CSMD1: variants seen among roughly 807,000 people sequenced by gnomAD.
CSMD1 encodes the protein CUB and Sushi multiple domains 1, also known as CUB and sushi domain-containing protein 1.
In CSMD1, 213 loss-of-function variants were observed where a neutral mutation model predicts 417.5. The observed-to-expected ratio is 0.51, with a 90% CI of 0.46 to 0.57. The LOEUF (loss-of-function observed/expected upper bound fraction) is 0.57, where lower values mean the gene tolerates loss of function less well. Among genes scored for constraint, CSMD1 ranks in the 20% least tolerant of loss-of-function variants. CSMD1 has a pLI of 0.00. For missense variants in CSMD1, 6,923 were observed against 4,529.7 expected, an observed-to-expected ratio of 1.53 and a Z score of -15.17; for synonymous variants, 2,862 against 1,736.8, an observed-to-expected ratio of 1.65 and a Z score of -16.11.
At chr8:4,749,909 G>C (rs1299647107) in intron 1 of CSMD1, among the ~76,000 whole-genome samples, 1 of 151,980 alleles carries the variant, frequency 6.6e-6, no homozygotes, top group Non-Finnish European at 1.5e-5. Flanking sequence ...TTTGTCTCTA[G>C]ATTGTCAAGC....
chr8:3,040,978 T>C (rs1811053139), intron 50 of CSMD1, among the ~76,000 whole-genome samples: 1 of 152,228 alleles, frequency 6.6e-6, no homozygotes, highest in Admixed American at 6.5e-5. Flanking sequence ...CAGTGTCATA[T>C]TTCTGTTTCC....
At chr8:3,240,255 T>C (rs558355175) in intron 26 of CSMD1, among the ~76,000 whole-genome samples, 9 of 151,984 alleles carry the variant, frequency 5.9e-5, no homozygotes, top group East Asian at 1.9e-4. Flanking sequence ...AGAGCTAGGA[T>C]GGGGGCAGTC....
intron 1 of CSMD1, among the ~76,000 whole-genome samples, chr8:4,746,760 A>T (rs1047968884): frequency 6.6e-6 from 1 of 152,190 alleles, no homozygotes; most frequent in Non-Finnish European, 1.5e-5. Flanking sequence ...CCTTCACTAC[A>T]GCAGCGAGGT....
chr8:4,211,761 C>T (rs1800326008), intron 3 of CSMD1, among the ~76,000 whole-genome samples: 1 of 152,184 alleles, frequency 6.6e-6, no homozygotes, highest in Non-Finnish European at 1.5e-5. Context: ...TGTCAACCTC[C>T]TTCACAAACT....
intron 3 of CSMD1, among the ~76,000 whole-genome samples, chr8:4,416,101 T>C (rs1187133802): frequency 3.9e-5 from 6 of 152,164 alleles, no homozygotes; most frequent in Admixed American, 2.6e-4. Context: ...TTATGAAAAA[T>C]TGTGTCCTAT....
intron 2 of CSMD1, among the ~76,000 whole-genome samples, chr8:4,620,421 G>C (rs1374625069): frequency 6.6e-6 from 1 of 151,460 alleles, no homozygotes; most frequent in East Asian, 1.9e-4. Context: ...AATTTGACCA[G>C]AGTCTAAAAT....
At chr8:3,972,019 G>A (rs1011464078) in intron 5 of CSMD1, among the ~76,000 whole-genome samples, 1 of 151,890 alleles carries the variant, frequency 6.6e-6, no homozygotes, top group Non-Finnish European at 1.5e-5. Context: ...TAATCCTCCT[G>A]CATCAACCTC....
chr8:4,256,902 G>C (rs528479031), intron 3 of CSMD1, among the ~76,000 whole-genome samples: 3 of 152,286 alleles, frequency 2.0e-5, no homozygotes, highest in Admixed American at 1.3e-4. Flanking sequence ...GGTTCAGAAT[G>C]AGTTTGCAGA....
At chr8:4,062,690 G>C (rs188355718) in intron 3 of CSMD1, among the ~76,000 whole-genome samples, 2 of 151,808 alleles carry the variant, frequency 1.3e-5, no homozygotes, top group African/African-American at 4.8e-5. Context: ...GACCCATGAT[G>C]GCAAAGCCAC....
chr8:4,529,144 T>A (rs1196455395), intron 2 of CSMD1, among the ~76,000 whole-genome samples: 1 of 152,146 alleles, frequency 6.6e-6, no homozygotes, highest in Non-Finnish European at 1.5e-5. Flanking sequence ...TCAAAGTATG[T>A]TCCAGGGACC....
At chr8:4,562,168 G>T (rs143298196) in intron 2 of CSMD1, among the ~76,000 whole-genome samples, 6 of 152,310 alleles carry the variant, frequency 3.9e-5, no homozygotes, top group African/African-American at 1.2e-4. Flanking sequence ...ATACAAGGAA[G>T]CATGAGCAGT....
intron 3 of CSMD1, among the ~76,000 whole-genome samples, chr8:4,368,078 G>C (rs1428303663): frequency 2.0e-5 from 3 of 152,094 alleles, no homozygotes; most frequent in Non-Finnish European, 4.4e-5. Flanking sequence ...GCGCATCCTT[G>C]TCTCATTCCT....
intron 1 of CSMD1, among the ~76,000 whole-genome samples, chr8:4,865,959 A>G (rs1274798001): frequency 6.6e-6 from 1 of 151,878 alleles, no homozygotes; most frequent in African/African-American, 2.4e-5. Context: ...TTTTAAAAAT[A>G]TATTTACACA....
chr8:4,029,961 G>A (rs1018618791), intron 4 of CSMD1, among the ~76,000 whole-genome samples: 7 of 152,178 alleles, frequency 4.6e-5, no homozygotes, highest in Non-Finnish European at 8.8e-5. Context: ...AAATCTTAAA[G>A]CTCCAAAATC....
rs374428515 is a variant in CSMD1, at chr8:4,970,805, C to T, written c.85+23527G>A. 2.6e-5 allele frequency among the ~76,000 whole-genome samples: 4 copies of T among 151,980 alleles called. No homozygotes were observed. The East Asian group carries it at 5.8e-4, about 22-fold the overall frequency. ...TTTTCCAACTACAGAATCTCAAAAC[C>T]AGGTAATACCCTAGCTCTAGTCATC... On this transcript the variant is annotated intron_variant, in intron 1 of 69. Coordinates refer to ENST00000635120, the MANE Select transcript of CSMD1 (RefSeq NM_033225.6).
chr8:4,893,144 C>T (rs540063659), intron 1 of CSMD1, among the ~76,000 whole-genome samples: 22 of 152,044 alleles, frequency 1.4e-4, no homozygotes, highest in Non-Finnish European at 2.6e-4. Context: ...AACATAATAC[C>T]TTTTTGTTGT....
chr8:3,259,440 G>A (rs1441085919), intron 26 of CSMD1, among the ~76,000 whole-genome samples: 1 of 152,062 alleles, frequency 6.6e-6, no homozygotes, highest in Non-Finnish European at 1.5e-5. Flanking sequence ...ATGAATGAAT[G>A]AATGAGAACC....
chr8:3,995,554 A>G (rs775639083), intron 5 of CSMD1, among the ~76,000 whole-genome samples: 4 of 152,216 alleles, frequency 2.6e-5, no homozygotes, highest in Non-Finnish European at 5.9e-5. Context: ...GGCTATACAT[A>G]GAGAGAAGAA....
chr8:3,743,111 G>A (rs1041714507), intron 6 of CSMD1, among the ~76,000 whole-genome samples: 1 of 152,120 alleles, frequency 6.6e-6, no homozygotes, highest in Non-Finnish European at 1.5e-5. Flanking sequence ...ACCTTTAAAG[G>A]AACTGAGAGA....
Sources: allele counts gnomAD v4.1 joint callset (sites outside exome capture counted in the v4.1 genomes callset), GRCh38; gene constraint gnomAD v4.1.1; transcripts MANE v1.5; gene names NCBI Gene and HGNC (gene_info 2026-07-23, HGNC 2026-07-21).